The following DNAH6 variants were observed in gnomAD, a reference collection of about 807,000 sequenced individuals.
The protein encoded by DNAH6 is axonemal beta dynein heavy chain 6.
A neutral mutation model predicts 491.4 loss-of-function variants in DNAH6; 340 were observed. The observed-to-expected ratio is 0.69, with a 90% CI of 0.63 to 0.76. The LOEUF (loss-of-function observed/expected upper bound fraction) is 0.76. Ranked by LOEUF, DNAH6 falls within the 30% of genes least tolerant of loss-of-function variation. The pLI is 0.00. For synonymous variants in DNAH6, 1,603 were observed against 1,686.1 expected (o/e 0.95, Z 1.21); for missense variants, 4,443 against 4,972.2 (o/e 0.89, Z 3.20).
intron 72 of DNAH6, among the ~76,000 whole-genome samples, chr2:84,810,566 G>A (rs1679875887): frequency 6.6e-6 from 1 of 152,230 alleles, no homozygotes. Context: ...CTGACCTCTA[G>A]TCCTAGACCT....
chr2:84,549,785 A>T, intron 8 of DNAH6, 104 bp from the exon 9 acceptor site: 1 of 778,808 alleles, frequency 1.3e-6, no homozygotes, highest in Non-Finnish European at 2.0e-6. Flanking sequence ...ATTCAAGGAG[A>T]AATTATGATA....
intron 76 of DNAH6, 145 bp downstream of exon 76, chr2:84,816,228 C>A: frequency 3.4e-6 from 2 of 584,112 alleles, no homozygotes; most frequent in Non-Finnish European, 3.0e-6. Flanking sequence ...ATACAAAATT[C>A]GTAAATGTAA....
chr2:84,547,252 T>A lies in DNAH6; in HGVS notation c.931-16T>A, dbSNP rs1558692402. ...AGAATATTTTTACTAAATAATAAAT[T>A]CCTATTTTCATTCAGCATTTGCGAC... is the stretch of plus-strand genomic sequence containing the variant. On this transcript the variant is annotated splice_polypyrimidine_tract_variant and intron_variant, in intron 5 of 76. Transcript: ENST00000389394. 3 of 1,501,136 alleles carry A rather than the reference T, an allele frequency of 2.0e-6. No individual in the cohort carries two copies. Among genetic ancestry groups the A allele is most frequent in the Non-Finnish European group, 1.8e-6 (2 of 1,117,874 alleles). 93.0% of individuals were successfully genotyped at this position (1,501,136 alleles called of 1,614,324 possible). A position where few individuals can be genotyped will look rare whatever the true frequency, so the allele number is the denominator to read the frequency against.
intron 51 of DNAH6, 34 bp from the exon 52 acceptor site, chr2:84,705,452 T>C: frequency 2.7e-6 from 4 of 1,492,370 alleles, no homozygotes; most frequent in Non-Finnish European, 3.6e-6. Context: ...TTACTTCATT[T>C]CAGTGCCATT....
chr2:84,580,876 A>G (rs1405423262), intron 14 of DNAH6, among the ~76,000 whole-genome samples: 1 of 152,100 alleles, frequency 6.6e-6, no homozygotes, highest in Non-Finnish European at 1.5e-5. Flanking sequence ...ACTGACCAGA[A>G]CCCAGAATGG....
chr2:84,624,845 C>T (rs1224854982), intron 28 of DNAH6, 57 bp from the exon 29 acceptor site: 2 of 1,463,256 alleles, frequency 1.4e-6, no homozygotes, highest in Non-Finnish European at 1.8e-6. Context: ...GAGGAAATGC[C>T]TTAATTTGTG....
chr2:84,653,202 C>A, intron 33 of DNAH6, 117 bp from the exon 34 acceptor site: 1 of 880,402 alleles, frequency 1.1e-6, no homozygotes, highest in Non-Finnish European at 1.7e-6. Context: ...CTGTACATGT[C>A]AGAAGAGAAA....
chr2:84,482,446 C>T, the DNAH6 span, among the ~76,000 whole-genome samples: 1 of 152,320 alleles, frequency 6.6e-6, no homozygotes, highest in African/African-American at 2.4e-5. Flanking sequence ...ACCAGACAGG[C>T]ATTTAATGTG....
intron 51 of DNAH6, among the ~76,000 whole-genome samples, chr2:84,705,217 T>C (rs777156502): frequency 2.0e-5 from 3 of 152,212 alleles, no homozygotes; most frequent in Non-Finnish European, 4.4e-5. Flanking sequence ...ATAAAACTAT[T>C]GTTTCTATAA....
At chr2:84,476,282 A>C in the DNAH6 span, among the ~76,000 whole-genome samples, 1 of 152,160 alleles carries the variant, frequency 6.6e-6, no homozygotes, top group Non-Finnish European at 1.5e-5. Flanking sequence ...GTTACGGGAA[A>C]TTGCCATGCT....
At chr2:84,810,062 C>T (rs996745568) in intron 72 of DNAH6, among the ~76,000 whole-genome samples, 2 of 152,066 alleles carry the variant, frequency 1.3e-5, no homozygotes, top group African/African-American at 2.4e-5. Flanking sequence ...AACTTTCACC[C>T]ACTTGAATTT....
chr2:84,518,034 A>G lies in DNAH6; in HGVS notation c.208A>G (p.Ile70Val), dbSNP rs1675762135. ...GAAGACAAGAAAACGACAGCAGCCT[A>G]TAAAACTAGAGCCTTTGGTAAGTTC... ...QEKTRKRQQP[I>V]KLEPLPVLKV... is the part of the protein sequence containing the mutation. The change falls in exon 2 of 77, where the codon ATA becomes GTA. Residue 70 changes from isoleucine to valine, a missense_variant. Ile to Val is a conservative substitution (Grantham distance 29). This residue lies in a region of DNAH6 where 2,977 missense variants were observed against 3,296.6 expected (regional missense o/e 0.90). Transcript: ENST00000389394. The G allele has an allele frequency of 1.9e-6, 3 of 1,548,426 alleles. No homozygotes were observed. The highest frequency in any genetic ancestry group is 2.6e-6 in the Non-Finnish European group (3 of 1,146,214).
chr2:84,684,792 A>G (rs942327560), intron 42 of DNAH6, among the ~76,000 whole-genome samples: 9 of 152,214 alleles, frequency 5.9e-5, no homozygotes, highest in Non-Finnish European at 1.0e-4. Flanking sequence ...GTAACTTGAA[A>G]TCATTAGAAC....
chr2:84,492,342 G>A, the DNAH6 span, among the ~76,000 whole-genome samples: 2 of 150,172 alleles, frequency 1.3e-5, no homozygotes, highest in Non-Finnish European at 3.0e-5. Flanking sequence ...GTAACTGGGG[G>A]AGGATGGAGC....
the DNAH6 span, among the ~76,000 whole-genome samples, chr2:84,475,915 A>G: frequency 1.3e-5 from 2 of 152,144 alleles, no homozygotes. Context: ...CAGCTGAACA[A>G]TGGCAACATC....
In DNAH6 at chr2:84,550,001, G is replaced by T; in HGVS notation, c.1429G>T (p.Ala477Ser). Reference protein sequence around the residue: ...LTDKLKRTPSADVIQKWITEE... With the variant: ...LTDKLKRTPSSDVIQKWITEE... ...TGACAAGCTAAAACGAACACCTTCA[G>T]CAGATGTCATTCAGAAATGGATTAC... is the stretch of plus-strand genomic sequence containing the variant. Residue 477 changes from alanine (A) to serine (S), a missense_variant, in exon 9 of 77, where the codon GCA becomes TCA. This residue lies in a region of DNAH6 where 2,977 missense variants were observed against 3,296.6 expected (regional missense o/e 0.90). Coordinates refer to ENST00000389394, the MANE Select transcript of DNAH6 (RefSeq NM_001370.2). 1.2e-6 allele frequency: 2 copies of T among 1,614,008 alleles called. No individual in the cohort carries two copies. Among genetic ancestry groups the T allele is most frequent in the South Asian group, 2.2e-5 (2 of 91,064 alleles).
chr2:84,551,084 T>C (rs1679303293), intron 9 of DNAH6, among the ~76,000 whole-genome samples: 1 of 152,164 alleles, frequency 6.6e-6, no homozygotes, highest in Non-Finnish European at 1.5e-5. Context: ...CTCACCTCAT[T>C]TCATCAAACC....
Position 84,544,299 on chromosome 2 carries a change from C to T in DNAH6, c.729C>T (p.His243=). 1.3e-6 allele frequency: 2 copies of T among 1,530,392 alleles called. No homozygotes were observed. The highest frequency in any genetic ancestry group is 1.8e-6 in the Non-Finnish European group (2 of 1,127,846). 94.8% of individuals were successfully genotyped at this position (1,530,392 alleles called of 1,614,324 possible). The change falls in exon 5 of 77, where the codon CAC becomes CAT. Residue 243 remains histidine, a synonymous_variant. Transcript: ENST00000389394. ...YYTISQRAVT[H]IYNEDIEFIE... Reference sequence around the variant, plus strand: ...CTATTAGCCAAAGGGCAGTAACACACATTTATAATGAAGACATTGAATTTA... The same window carrying T: ...CTATTAGCCAAAGGGCAGTAACACATATTTATAATGAAGACATTGAATTTA...
intron 11 of DNAH6, 59 bp from the exon 12 acceptor site, chr2:84,573,408 A>T (rs961968672): frequency 1.0e-4 from 147 of 1,421,050 alleles, no homozygotes; most frequent in Admixed American, 7.3e-5. Flanking sequence ...AGTTGTATTG[A>T]ATTAAATTCT....
Sources: gnomAD v4.1 joint callset for allele counts (sites outside exome capture counted in the v4.1 genomes callset) on GRCh38, gnomAD v4.1.1 for gene constraint, gnomAD v4.1.1 regional missense constraint, MANE v1.5 for transcripts, NCBI Gene and HGNC (gene_info 2026-07-23, HGNC 2026-07-21) for gene names.